PDE5A: variants seen among roughly 807,000 people sequenced by gnomAD.
PDE5A encodes cGMP-specific 3',5'-cyclic phosphodiesterase.
PDE5A carries 67 observed loss-of-function variants against 110.2 expected under a neutral mutation model. The observed-to-expected ratio is 0.61, with a 90% CI of 0.50 to 0.75. The LOEUF (loss-of-function observed/expected upper bound fraction) is 0.75, where lower values mean the gene tolerates loss of function less well. PDE5A is among the 30% of genes least tolerant of loss of function. The probability of loss-of-function intolerance (pLI) is 0.00; values close to 1 mark genes in which losing one functional copy is unlikely to be tolerated. For missense variants in PDE5A, 862 were observed against 1,045.1 expected, an observed-to-expected ratio of 0.82 and a Z score of 2.42; for synonymous variants, 328 against 351.2, an observed-to-expected ratio of 0.93 and a Z score of 0.74.
intron 11 of PDE5A, among the ~76,000 whole-genome samples, chr4:119,531,541 TG>T (rs1167474340): frequency 6.6e-6 from 1 of 152,094 alleles, no homozygotes; most frequent in Non-Finnish European, 1.5e-5. Flanking sequence ...CCTCCCAAAG[TG>T]TTGAGATTAC....
intron 18 of PDE5A, 111 bp downstream of exon 18, chr4:119,504,425 C>CT (rs1355597911): frequency 3.6e-5 from 28 of 775,536 alleles, no homozygotes; most frequent in South Asian, 5.4e-5. Context: ...ATATAAGTGT[C>CT]TTTTTTATAT....
chr4:119,597,511 T>G (rs537860183), intron 2 of PDE5A, among the ~76,000 whole-genome samples: 3 of 151,942 alleles, frequency 2.0e-5, no homozygotes, highest in Non-Finnish European at 2.9e-5. Context: ...TACAACAACA[T>G]GAGGTTAGAG....
At chr4:119,567,279 C>G in intron 3 of PDE5A, 135 bp from the exon 4 acceptor site, 3 of 610,650 alleles carry the variant, frequency 4.9e-6, no homozygotes. Context: ...AAGCAAAACC[C>G]CTCATCAGCA....
chr4:119,580,856 T>C (rs1728563429), intron 3 of PDE5A, among the ~76,000 whole-genome samples: 1 of 152,262 alleles, frequency 6.6e-6, no homozygotes. Flanking sequence ...TTGTATTTCA[T>C]ATCAGAATAA....
chr4:119,608,637 A>G (rs146095381), intron 1 of PDE5A, among the ~76,000 whole-genome samples: 382 of 152,374 alleles, frequency 2.5e-3, no homozygotes, highest in African/African-American at 9.0e-3. Flanking sequence ...CTGATAAGAC[A>G]TGACGCTTTA....
chr4:119,626,116 G>T lies in PDE5A; in HGVS notation c.152+2404C>A, dbSNP rs868253729. On this transcript the variant is annotated intron_variant, in intron 1 of 20. Coordinates refer to ENST00000354960, the MANE Select transcript of PDE5A (RefSeq NM_001083.4). Reference sequence around the variant, plus strand: ...TATCACAGAAAGTGTTCAGCCTGTTGCCAACATCAACTGTAATTTAAAAAC... The same window carrying T: ...TATCACAGAAAGTGTTCAGCCTGTTTCCAACATCAACTGTAATTTAAAAAC... Among the ~76,000 whole-genome samples, 4 of 152,210 alleles carry T rather than the reference G, an allele frequency of 2.6e-5. No individual in the cohort carries two copies. In the Middle Eastern group the frequency reaches 0.01, roughly 388 times the overall value.
At position 119,525,724 on chromosome 4, in the gene PDE5A, A is replaced by T. The variant is rs79784241; in HGVS notation, c.1633-29T>A. ...GGGTAAGGAAAGAAGAAAAAAAAAAATGCTGTTAATTAAAGCAGCAGTGAT... is the reference window on the plus strand; with the variant it reads ...GGGTAAGGAAAGAAGAAAAAAAAAATTGCTGTTAATTAAAGCAGCAGTGAT... On this transcript the variant is annotated intron_variant, in intron 11 of 20. Transcript: ENST00000354960. This position sits in a 1 kb window ranked among gnomAD's most constrained non-coding sequence, Gnocchi z 4.3. The T allele has an allele frequency of 2.1e-6, 3 of 1,425,274 alleles. No homozygotes were observed. Among genetic ancestry groups the T allele is most frequent in the Non-Finnish European group, 2.9e-6 (3 of 1,023,984 alleles). 88.3% of individuals were successfully genotyped at this position (1,425,274 alleles called of 1,614,324 possible). A position where few individuals can be genotyped will look rare whatever the true frequency, so the allele number is the denominator to read the frequency against.
chr4:119,564,065 C>G (rs185836773), intron 5 of PDE5A, among the ~76,000 whole-genome samples: 65 of 151,300 alleles, frequency 4.3e-4, no homozygotes, highest in African/African-American at 1.6e-3. Context: ...GTTACAAAAG[C>G]AAATATAAAT....
At position 119,628,729 on chromosome 4, in the gene PDE5A, T is replaced by TGGAACAGAA; in HGVS notation, c.-59_-58insTTCTGTTCC. On this transcript the variant is annotated 5_prime_UTR_variant, in exon 1 of 21. Transcript: ENST00000354960. ...TACTGCTTTTCCACCCCAGCTGGGG[T>TGGAACAGAA]CCGTCCCTCAGAAGAACAGGACTCG... 5.0e-6 allele frequency: 8 copies of TGGAACAGAA among 1,594,252 alleles called. No individual in the cohort carries two copies. The highest frequency in any genetic ancestry group is 6.8e-6 in the Non-Finnish European group (8 of 1,175,524).
At chr4:119,620,324 C>T (rs960387134) in intron 1 of PDE5A, among the ~76,000 whole-genome samples, 5 of 152,138 alleles carry the variant, frequency 3.3e-5, no homozygotes, top group Admixed American at 6.5e-5. Flanking sequence ...TCTAAGTTTG[C>T]TCCAGCTATG....
At chr4:119,504,156 G>A (rs766886059) in intron 18 of PDE5A, among the ~76,000 whole-genome samples, 5 of 151,892 alleles carry the variant, frequency 3.3e-5, no homozygotes, top group African/African-American at 4.8e-5. Context: ...TTATGTCCGT[G>A]TGTACCTACT....
intron 1 of PDE5A, among the ~76,000 whole-genome samples, chr4:119,614,964 A>G (rs1457578960): frequency 6.6e-6 from 1 of 152,184 alleles, no homozygotes; most frequent in Non-Finnish European, 1.5e-5. Context: ...GACTGTCTTC[A>G]GCAGAGTATA....
intron 15 of PDE5A, among the ~76,000 whole-genome samples, chr4:119,510,615 C>T (rs1246956859): frequency 2.0e-5 from 3 of 151,932 alleles, no homozygotes; most frequent in Non-Finnish European, 4.4e-5. Flanking sequence ...TTCATTTCAC[C>T]AAGTAGTTAA....
chr4:119,592,174 A>G (rs1176441368), intron 3 of PDE5A, among the ~76,000 whole-genome samples: 4 of 110,050 alleles, frequency 3.6e-5, no homozygotes, highest in African/African-American at 1.4e-4. Context: ...AAAAAAAAAA[A>G]GCCGGGCGTG....
At position 119,505,085 on chromosome 4, in the gene PDE5A, A is replaced by C. The variant is rs184513645; in HGVS notation, c.2268-486T>G. ...TAAATGAAAAGCCTTTGAATGATTAATCATGTTTTTCAGCTTTCTCCTTTA... is the reference window on the plus strand; with the variant it reads ...TAAATGAAAAGCCTTTGAATGATTACTCATGTTTTTCAGCTTTCTCCTTTA... On this transcript the variant is annotated intron_variant, in intron 17 of 20. Coordinates refer to ENST00000354960, the MANE Select transcript of PDE5A (RefSeq NM_001083.4). Among the ~76,000 whole-genome samples, 21 of 152,088 alleles carry C rather than the reference A, an allele frequency of 1.4e-4. No individual in the cohort carries two copies. In the East Asian group the frequency reaches 2.5e-3, roughly 18 times the overall value.
intron 3 of PDE5A, among the ~76,000 whole-genome samples, chr4:119,568,165 A>C (rs1728012296): frequency 6.6e-6 from 1 of 151,718 alleles, no homozygotes; most frequent in African/African-American, 2.4e-5. Flanking sequence ...CCATATGGTA[A>C]AGGGATATTA....
intron 19 of PDE5A, chr4:119,502,343 AAAAC>A (rs1428647691): frequency 6.2e-6 from 2 of 320,200 alleles, no homozygotes; most frequent in Non-Finnish European, 1.1e-5. Context: ...TAAGCGGAAA[AAAAC>A]AAATTACAAA....
At chr4:119,615,924 C>T (rs1350967772) in intron 1 of PDE5A, among the ~76,000 whole-genome samples, 1 of 152,164 alleles carries the variant, frequency 6.6e-6, no homozygotes, top group Non-Finnish European at 1.5e-5. Flanking sequence ...ATGCAATGAA[C>T]ATTGAAGCCA....
intron 3 of PDE5A, among the ~76,000 whole-genome samples, chr4:119,573,149 A>C (rs1415314293): frequency 6.6e-6 from 1 of 152,172 alleles, no homozygotes; most frequent in Non-Finnish European, 1.5e-5. Flanking sequence ...TATTCATTTG[A>C]TCTCCAAAGA....
Sources: allele counts gnomAD v4.1 joint callset (sites outside exome capture counted in the v4.1 genomes callset), GRCh38; gene constraint gnomAD v4.1.1; non-coding constraint Gnocchi (gnomAD v3.1); transcripts MANE v1.5; gene names NCBI Gene and HGNC (gene_info 2026-07-23, HGNC 2026-07-21).